SAMD4A: variants seen among roughly 807,000 people sequenced by gnomAD.
The protein encoded by SAMD4A is sterile alpha motif domain containing 4A.
SAMD4A carries 33 observed loss-of-function variants against 81.3 expected under a neutral mutation model. The ratio of observed to expected loss-of-function variants is 0.41; its 90% CI spans 0.31 to 0.54. The LOEUF (loss-of-function observed/expected upper bound fraction) is 0.54. SAMD4A is among the 20% of genes least tolerant of loss of function. SAMD4A has a pLI of 0.37. For synonymous variants in SAMD4A, 389 were observed against 382.1 expected (o/e 1.02, Z -0.21); for missense variants, 854 against 951.1 (o/e 0.90, Z 1.34).
At chr14:54,739,055 C>CTTTTTT (rs3051648) in intron 4 of SAMD4A, among the ~76,000 whole-genome samples, 1,860 of 97,204 alleles carry the variant, frequency 0.019, 124 homozygotes, top group African/African-American at 0.046. Flanking sequence ...CTTTCCTTTT[C>CTTTTTT]TTTTTTTTTT....
chr14:54,662,667 C>CG (rs1384681655), intron 2 of SAMD4A, among the ~76,000 whole-genome samples: 2 of 151,894 alleles, frequency 1.3e-5, no homozygotes, highest in African/African-American at 4.8e-5. Flanking sequence ...TACTTGCCTC[C>CG]GCCTCCCAAA....
At chr14:54,638,125 A>G (rs542409139) in intron 2 of SAMD4A, among the ~76,000 whole-genome samples, 1 of 152,214 alleles carries the variant, frequency 6.6e-6, no homozygotes, top group Non-Finnish European at 1.5e-5. Context: ...ATGGCACAGC[A>G]TATGGAGTCC....
At chr14:54,772,831 A>C (rs923852669) in intron 9 of SAMD4A, among the ~76,000 whole-genome samples, 57 of 152,082 alleles carry the variant, frequency 3.7e-4, no homozygotes, top group East Asian at 2.1e-3. Context: ...ACAAACAAAA[A>C]AAAAAAACAC....
At chr14:54,571,776 T>A (rs568589311) in intron 2 of SAMD4A, among the ~76,000 whole-genome samples, 566 of 152,266 alleles carry the variant, frequency 3.7e-3, no homozygotes, top group Non-Finnish European at 4.9e-3. Context: ...CTAACTTTTT[T>A]AAAAAAATTG....
chr14:54,675,315 G>A (rs948958118), intron 2 of SAMD4A, among the ~76,000 whole-genome samples: 1 of 136,024 alleles, frequency 7.4e-6, no homozygotes, highest in Admixed American at 9.1e-5. Flanking sequence ...GCAGTGAGCC[G>A]AGATTGTGCC....
At chr14:54,697,541 C>T (rs897245526) in intron 2 of SAMD4A, among the ~76,000 whole-genome samples, 2 of 151,974 alleles carry the variant, frequency 1.3e-5, no homozygotes, top group Admixed American at 6.6e-5. Context: ...ATAATCAGGA[C>T]GGGGGCGCTG....
At chr14:54,635,738 T>A (rs2035020274) in intron 2 of SAMD4A, among the ~76,000 whole-genome samples, 1 of 148,378 alleles carries the variant, frequency 6.7e-6, no homozygotes. Flanking sequence ...CAAGACTCCA[T>A]CTCAAAAAAA....
At chr14:54,779,829 A>G (rs150742424) in intron 11 of SAMD4A, among the ~76,000 whole-genome samples, 56 of 152,242 alleles carry the variant, frequency 3.7e-4, no homozygotes, top group African/African-American at 1.1e-3. Context: ...TCAGGTGGCT[A>G]TTGCCAGTGA....
At chr14:54,639,039 G>A (rs991411416) in intron 2 of SAMD4A, among the ~76,000 whole-genome samples, 3 of 152,168 alleles carry the variant, frequency 2.0e-5, no homozygotes, top group Admixed American at 6.5e-5. Flanking sequence ...CCTGAGCAAG[G>A]TTGGCATGCT....
intron 2 of SAMD4A, among the ~76,000 whole-genome samples, chr14:54,651,140 AGAT>A (rs946247900): frequency 2.0e-5 from 3 of 152,316 alleles, no homozygotes; most frequent in Admixed American, 2.0e-4. Context: ...GGAGGAGCTC[AGAT>A]GATCCTGAGC....
chr14:54,706,481 T>A (rs186616397), intron 3 of SAMD4A, among the ~76,000 whole-genome samples: 83 of 151,624 alleles, frequency 5.5e-4, no homozygotes, highest in African/African-American at 1.9e-3. Flanking sequence ...GGTGCATGCC[T>A]GTAATCCCAG....
intron 3 of SAMD4A, among the ~76,000 whole-genome samples, chr14:54,705,154 A>T (rs952868080): frequency 1.3e-5 from 2 of 150,790 alleles, no homozygotes; most frequent in Non-Finnish European, 3.0e-5. Context: ...TGGTTGCAGC[A>T]GCAACAGTAA....
At chr14:54,655,430 G>A (rs1361317863) in intron 2 of SAMD4A, among the ~76,000 whole-genome samples, 1 of 152,122 alleles carries the variant, frequency 6.6e-6, no homozygotes, top group Non-Finnish European at 1.5e-5. Context: ...AAACATAGTG[G>A]TTAAGAATAT....
chr14:54,751,786 T>C (rs1232245743), intron 6 of SAMD4A, among the ~76,000 whole-genome samples: 5 of 152,202 alleles, frequency 3.3e-5, no homozygotes, highest in African/African-American at 7.2e-5. Context: ...AGAGCCCTGA[T>C]GAAGTGCTGT....
intron 2 of SAMD4A, among the ~76,000 whole-genome samples, chr14:54,608,911 C>G (rs537119493): frequency 1.4e-4 from 22 of 152,232 alleles, no homozygotes; most frequent in Non-Finnish European, 3.2e-4. Context: ...TGAGTCCAGA[C>G]CTTTTGAGAT....
intron 3 of SAMD4A, chr14:54,703,085 A>G (rs959369418): frequency 6.8e-6 from 1 of 146,708 alleles, no homozygotes; most frequent in Non-Finnish European, 1.5e-5. Context: ...CTCCCTTTGC[A>G]TTTTCTGGTT....
intron 2 of SAMD4A, among the ~76,000 whole-genome samples, chr14:54,626,552 C>T (rs912045421): frequency 6.6e-6 from 1 of 152,088 alleles, no homozygotes; most frequent in Non-Finnish European, 1.5e-5. Flanking sequence ...TAGGTGATGG[C>T]CAACTTTGAC....
chr14:54,661,441 A>AG (rs763602593), intron 2 of SAMD4A, among the ~76,000 whole-genome samples: 4 of 152,206 alleles, frequency 2.6e-5, no homozygotes, highest in Admixed American at 6.5e-5. Flanking sequence ...GTTAGAACAG[A>AG]GGGCTAATTA....
chr14:54,736,068 T>A (rs2037684128), intron 3 of SAMD4A, among the ~76,000 whole-genome samples: 1 of 152,206 alleles, frequency 6.6e-6, no homozygotes, highest in South Asian at 2.1e-4. Context: ...TTTGTAAAGT[T>A]GTCACTTTAC....
Sources: allele counts gnomAD v4.1 joint callset (sites outside exome capture counted in the v4.1 genomes callset), GRCh38; gene constraint gnomAD v4.1.1; transcripts MANE v1.5; gene names NCBI Gene and HGNC (gene_info 2026-07-23, HGNC 2026-07-21).